The following ZNF354C variants were observed in gnomAD, a reference collection of about 807,000 sequenced individuals.
ZNF354C encodes the protein KRAB-zinc finger protein synten.
Under a neutral mutation model 12.4 loss-of-function variants are expected in ZNF354C, and 7 were observed. That is an observed-to-expected ratio of 0.56 (90% CI 0.32 to 1.06). The LOEUF is 1.06. ZNF354C is among the 50% of genes least tolerant of loss of function. ZNF354C has a pLI of 0.04. For missense variants in ZNF354C, 609 were observed against 658.0 expected (o/e 0.93, Z 0.81); for synonymous variants, 202 against 224.5 (o/e 0.90, Z 0.90).
rs751276365 is a variant in ZNF354C, at chr5:179,079,430, G to A, written c.998G>A (p.Cys333Tyr). 3.1e-6 allele frequency: 5 copies of A among 1,614,078 alleles called. No homozygotes were observed. Among genetic ancestry groups the A allele is most frequent in the Non-Finnish European group, 4.2e-6 (5 of 1,180,000 alleles). Residue 333 changes from cysteine to tyrosine, a missense_variant, in exon 5 of 5, where the codon TGT becomes TAT. Physicochemically the swap from Cys to Tyr is radical, Grantham distance 194. Coordinates refer to ENST00000315475, the MANE Select transcript of ZNF354C (RefSeq NM_014594.3). The surrounding 1 kb of genome is among the most constrained non-coding windows in gnomAD (Gnocchi z 4.2). ...TGEKLYKCGE[C>Y]EKAFNCRAKL... Reference sequence around the variant, plus strand: ...GAGAAACTCTATAAATGCGGCGAATGTGAGAAGGCCTTCAACTGTAGAGCA... The same window carrying A: ...GAGAAACTCTATAAATGCGGCGAATATGAGAAGGCCTTCAACTGTAGAGCA...
chr5:179,076,639 C>T (rs4700780), intron 3 of ZNF354C, 68 bp downstream of exon 3: 469,420 of 1,581,370 alleles, frequency 0.3, 70,621 homozygotes, highest in East Asian at 0.38. Context: ...TTTGGGGTTC[C>T]GAGCCTGTGG....
chr5:179,080,153 G>A lies in ZNF354C; in HGVS notation c.*56G>A. ...CTGGGGAATAAGGGAATAATAAATA[G>A]GGTACAAACTCCTAATAGATTTGTC... On this transcript the variant is annotated 3_prime_UTR_variant, in exon 5 of 5. Transcript: ENST00000315475. 3 of 1,292,442 alleles carry A rather than the reference G, an allele frequency of 2.3e-6. No homozygotes were observed. The highest frequency in any genetic ancestry group is 3.2e-6 in the Non-Finnish European group (3 of 937,120). The allele number at this position is 1,292,442 out of a possible 1,614,324, so 80.1% of individuals were successfully genotyped here.
chr5:179,062,633 G>A (rs1032482892), intron 2 of ZNF354C, among the ~76,000 whole-genome samples: 1 of 152,180 alleles, frequency 6.6e-6, no homozygotes, highest in Admixed American at 6.5e-5. Flanking sequence ...TTATACTGGA[G>A]GCCAGGACTG....
Position 179,083,690 on chromosome 5 carries a change from A to C in ZNF354C, c.*3593A>C, listed in dbSNP as rs965963923. ...AAATGGAATGAGCATGTTCCACTTT[A>C]TCTCTCATGCTAAATGTAACTAAGG... is the stretch of plus-strand genomic sequence containing the variant. On this transcript the variant is annotated 3_prime_UTR_variant, in exon 5 of 5. Coordinates refer to ENST00000315475, the MANE Select transcript of ZNF354C (RefSeq NM_014594.3). Among the ~76,000 whole-genome samples the C allele has an allele frequency of 3.3e-5, 5 of 152,222 alleles. No individual in the cohort carries two copies. The East Asian group carries it at 9.6e-4, about 29-fold the overall frequency.
chr5:179,079,400 CTGG>C lies in ZNF354C; in HGVS notation c.969_971del (p.Gly324del), dbSNP rs1169831226. ...CTCACTGTACATCAGAGAATTCATA[CTGG>C]AGAGAAACTCTATAAATGCGGCGAA... On this transcript the variant is annotated inframe_deletion, in exon 5 of 5. Coordinates refer to ENST00000315475, the MANE Select transcript of ZNF354C (RefSeq NM_014594.3). The surrounding 1 kb of genome is among the most constrained non-coding windows in gnomAD (Gnocchi z 4.2). 3.7e-6 allele frequency: 6 copies of C among 1,614,070 alleles called. No individual in the cohort carries two copies.
Position 179,079,853 on chromosome 5 carries a change from G to A in ZNF354C, c.1421G>A (p.Gly474Glu), listed in dbSNP as rs1302923069. The change falls in exon 5 of 5, where the codon GGA becomes GAA. Residue 474 changes from glycine (G) to glutamate (E), a missense_variant. Coordinates refer to ENST00000315475, the MANE Select transcript of ZNF354C (RefSeq NM_014594.3). The surrounding 1 kb of genome is among the most constrained non-coding windows in gnomAD (Gnocchi z 4.2). ...GEKPYQCNQC[G>E]KAFSQYSFLT... is the part of the protein sequence containing the mutation. ...AAACCGTATCAGTGTAATCAGTGTG[G>A]AAAGGCCTTCAGCCAGTATTCATTT... 1 of 1,613,906 alleles carries A rather than the reference G, an allele frequency of 6.2e-7. No individual in the cohort carries two copies. The highest frequency in any genetic ancestry group is 1.3e-5 in the African/African-American group (1 of 74,892).
intron 2 of ZNF354C, among the ~76,000 whole-genome samples, chr5:179,072,293 T>TAA (rs57069867): frequency 2.1e-4 from 31 of 147,114 alleles, no homozygotes; most frequent in East Asian, 5.9e-4. Context: ...CCTGAAATTG[T>TAA]AAAAAAAAAA....
At chr5:179,067,972 C>A (rs1463926739) in intron 2 of ZNF354C, among the ~76,000 whole-genome samples, 2 of 152,144 alleles carry the variant, frequency 1.3e-5, no homozygotes, top group Non-Finnish European at 2.9e-5. Flanking sequence ...CCAGCCTGGG[C>A]AACATAGCAA....
chr5:179,066,702 G>A (rs919316411), intron 2 of ZNF354C, among the ~76,000 whole-genome samples: 9 of 152,084 alleles, frequency 5.9e-5, no homozygotes, highest in African/African-American at 2.2e-4. Flanking sequence ...GTTGCTAATG[G>A]GAAAATCCAC....
intron 2 of ZNF354C, among the ~76,000 whole-genome samples, chr5:179,075,288 G>A (rs1303620548): frequency 1.3e-5 from 2 of 151,490 alleles, no homozygotes; most frequent in South Asian, 2.1e-4. Flanking sequence ...ATAAGCTGGT[G>A]GTATGTGCCT....
At chr5:179,067,217 T>C (rs1761969101) in intron 2 of ZNF354C, among the ~76,000 whole-genome samples, 1 of 152,132 alleles carries the variant, frequency 6.6e-6, no homozygotes, top group African/African-American at 2.4e-5. Context: ...GTCGTTCACA[T>C]GTCAGGTAGT....
intron 2 of ZNF354C, among the ~76,000 whole-genome samples, chr5:179,073,161 A>G (rs1762072515): frequency 6.6e-6 from 1 of 152,226 alleles, no homozygotes; most frequent in Non-Finnish European, 1.5e-5. Context: ...AGACAAAAAA[A>G]ATCAACCCAG....
chr5:179,064,411 A>G (rs1243435557), intron 2 of ZNF354C, among the ~76,000 whole-genome samples: 1 of 145,284 alleles, frequency 6.9e-6, no homozygotes, highest in East Asian at 2.0e-4. Context: ...TGCCCGGCCA[A>G]TATGTAACCC....
rs552345307 is a variant in ZNF354C, at chr5:179,068,519, T to G, written c.27+6424T>G. On this transcript the variant is annotated intron_variant, in intron 2 of 4. Coordinates refer to ENST00000315475, the MANE Select transcript of ZNF354C (RefSeq NM_014594.3). ...TTTACATTGTGTTTTTGTTTTCAAT[T>G]TAGACATTTTTTTCTGAAGTTTAAT... 1.2e-4 allele frequency among the ~76,000 whole-genome samples: 19 copies of G among 152,368 alleles called. No homozygotes were observed. The South Asian group carries it at 3.9e-3, about 32-fold the overall frequency.
Position 179,078,787 on chromosome 5 carries a change from C to A in ZNF354C, c.355C>A (p.His119Asn). ...AAAGAAAGAATCCATTAAGGATGGT[C>A]ACTGGGACATTAACTTTGAAGAAGC... The part of the protein sequence containing the change: ...MVKKESIKDG[H>N]WDINFEEAVE... Residue 119 changes from histidine (H) to asparagine (N), a missense_variant, in exon 5 of 5, where the codon CAC becomes AAC. Transcript: ENST00000315475. 1 of 1,614,002 alleles carries A rather than the reference C, an allele frequency of 6.2e-7. No individual in the cohort carries two copies. Among genetic ancestry groups the A allele is most frequent in the East Asian group, 2.2e-5 (1 of 44,832 alleles).
Position 179,079,444 on chromosome 5 carries a change from A to C in ZNF354C, c.1012A>C (p.Asn338His). Residue 338 changes from asparagine to histidine, a missense_variant, in exon 5 of 5, where the codon AAC becomes CAC. Physicochemically the swap from Asn to His is moderately conservative, Grantham distance 68 (BLOSUM62 1). Coordinates refer to ENST00000315475, the MANE Select transcript of ZNF354C (RefSeq NM_014594.3). The surrounding 1 kb of genome is among the most constrained non-coding windows in gnomAD (Gnocchi z 4.2). ...YKCGECEKAF[N>H]CRAKLHRHQR... ...ATGCGGCGAATGTGAGAAGGCCTTC[A>C]ACTGTAGAGCAAAACTTCACAGGCA... is the stretch of plus-strand genomic sequence containing the variant. The C allele has an allele frequency of 6.2e-7, 1 of 1,614,132 alleles. No individual in the cohort carries two copies. Among genetic ancestry groups the C allele is most frequent in the Non-Finnish European group, 8.5e-7 (1 of 1,180,016 alleles).
intron 2 of ZNF354C, among the ~76,000 whole-genome samples, chr5:179,069,573 A>T (rs1250358477): frequency 6.7e-6 from 1 of 150,048 alleles, no homozygotes; most frequent in Non-Finnish European, 1.5e-5. Context: ...AAAAAAAAAA[A>T]AAAAAAGAAA....
intron 2 of ZNF354C, among the ~76,000 whole-genome samples, chr5:179,075,807 T>C (rs572476752): frequency 2.0e-5 from 3 of 152,390 alleles, no homozygotes; most frequent in East Asian, 1.9e-4. Context: ...ATGGAATAAA[T>C]GTACTGAAAT....
At position 179,081,039 on chromosome 5, in the gene ZNF354C, G is replaced by A. The variant is rs1311551939; in HGVS notation, c.*942G>A. 6.6e-6 allele frequency: 1 copy of A among 152,146 alleles called. No individual in the cohort carries two copies. Among genetic ancestry groups the A allele is most frequent in the Admixed American group, 6.6e-5 (1 of 15,266 alleles). 9.4% of individuals were successfully genotyped at this position (152,146 alleles called of 1,614,324 possible). On this transcript the variant is annotated 3_prime_UTR_variant, in exon 5 of 5. Transcript: ENST00000315475. ...GTCAAGACTAGAATCTAGGTCTTTGGTTCTGGTGTTTTGTGATCATTATAG... is the reference window on the plus strand; with the variant it reads ...GTCAAGACTAGAATCTAGGTCTTTGATTCTGGTGTTTTGTGATCATTATAG...
Sources: allele counts gnomAD v4.1 joint callset (sites outside exome capture counted in the v4.1 genomes callset), GRCh38; gene constraint gnomAD v4.1.1; non-coding constraint Gnocchi (gnomAD v3.1); transcripts MANE v1.5; gene names NCBI Gene and HGNC (gene_info 2026-07-23, HGNC 2026-07-21).